AUH: variants seen among roughly 807,000 people sequenced by gnomAD.
AUH encodes AU RNA binding methylglutaconyl-CoA hydratase.
In AUH, 29 loss-of-function variants were observed where a neutral mutation model predicts 42.3. The ratio of observed to expected loss-of-function variants is 0.69; its 90% CI spans 0.51 to 0.93. The LOEUF (loss-of-function observed/expected upper bound fraction) is 0.93, where lower values mean the gene tolerates loss of function less well. Among genes scored for constraint, AUH ranks in the 40% least tolerant of loss-of-function variants. The pLI is 0.00. For synonymous variants in AUH, 174 were observed against 166.4 expected (o/e 1.05, Z -0.35); for missense variants, 452 against 438.1 (o/e 1.03, Z -0.28).
chr9:91,215,059 T>C (rs1327881054), intron 9 of AUH, among the ~76,000 whole-genome samples: 1 of 152,200 alleles, frequency 6.6e-6, no homozygotes, highest in East Asian at 1.9e-4. Context: ...GGTGGTGATT[T>C]ATATATACAA....
In AUH at chr9:91,284,333, A is replaced by T. The variant is rs927702975; in HGVS notation, c.655+11688T>A. ...TAATTCAAGACGGATTAAAGACTTA[A>T]ATGTTAGACCCAAAACCATAAAAAC... On this transcript the variant is annotated intron_variant, in intron 6 of 9. Transcript: ENST00000375731. Among the ~76,000 whole-genome samples the T allele has an allele frequency of 2.0e-5, 3 of 152,226 alleles. No individual in the cohort carries two copies. The South Asian group carries it at 6.2e-4, about 32-fold the overall frequency.
chr9:91,270,746 C>T (rs1267945335), intron 6 of AUH, among the ~76,000 whole-genome samples: 1 of 152,090 alleles, frequency 6.6e-6, no homozygotes, highest in Non-Finnish European at 1.5e-5. Context: ...AACAAGGTAG[C>T]AATGCACCCA....
Position 91,239,314 on chromosome 9 carries a change from C to A in AUH, c.656-18322G>T, listed in dbSNP as rs1456799424. The stretch of plus-strand genomic sequence containing the variant: ...TGATATGCTTAGAAGTGATCTCTGA[C>A]TTCTGATAGTAAATACCACTTTTGA... On this transcript the variant is annotated intron_variant, in intron 6 of 9. Transcript: ENST00000375731. 2.0e-5 allele frequency among the ~76,000 whole-genome samples: 3 copies of A among 152,318 alleles called. 1 individual carries two copies. In the South Asian group the frequency reaches 6.2e-4, roughly 32 times the overall value.
chr9:91,257,423 G>GAGCAGC (rs1173211553), intron 6 of AUH, among the ~76,000 whole-genome samples: 88 of 152,192 alleles, frequency 5.8e-4, no homozygotes, highest in African/African-American at 2.0e-3. Context: ...CAGAGAACAG[G>GAGCAGC]AGCAGCAGCA....
intron 3 of AUH, among the ~76,000 whole-genome samples, chr9:91,351,098 T>A (rs1338141255): frequency 1.3e-5 from 2 of 152,058 alleles, no homozygotes; most frequent in Admixed American, 6.6e-5. Flanking sequence ...GCCTCCTGAG[T>A]AGCTAGGACT....
chr9:91,220,275 A>C (rs1827057531), intron 7 of AUH, among the ~76,000 whole-genome samples: 1 of 152,244 alleles, frequency 6.6e-6, no homozygotes. Context: ...CAACGCCTAC[A>C]CCACCATAGG....
intron 8 of AUH, among the ~76,000 whole-genome samples, chr9:91,216,598 T>C (rs1826834443): frequency 6.6e-6 from 1 of 152,250 alleles, no homozygotes; most frequent in Admixed American, 6.5e-5. Context: ...CAGTATTGAC[T>C]GTATAAAGTC....
intron 3 of AUH, among the ~76,000 whole-genome samples, chr9:91,334,325 G>A (rs571265229): frequency 2.1e-4 from 32 of 152,250 alleles, no homozygotes; most frequent in South Asian, 6.2e-4. Flanking sequence ...TTGAATTCGT[G>A]AACTGCAAAG....
chr9:91,289,417 A>G (rs1294683133), intron 6 of AUH, among the ~76,000 whole-genome samples: 43 of 152,334 alleles, frequency 2.8e-4, no homozygotes, highest in Non-Finnish European at 2.6e-4. Context: ...TAAGGCAGCT[A>G]CAGTGGAGCA....
intron 4 of AUH, among the ~76,000 whole-genome samples, chr9:91,324,824 G>A (rs994771791): frequency 6.0e-5 from 9 of 151,002 alleles, no homozygotes; most frequent in African/African-American, 2.2e-4. Flanking sequence ...TTATGTACAA[G>A]GGTATTCACT....
intron 6 of AUH, among the ~76,000 whole-genome samples, chr9:91,224,028 G>GT (rs1277934648): frequency 6.6e-6 from 1 of 152,094 alleles, no homozygotes; most frequent in Non-Finnish European, 1.5e-5. Context: ...TAAACCCCTA[G>GT]TTTTAGTGGG....
At chr9:91,321,545 C>T (rs143576852) in intron 4 of AUH, among the ~76,000 whole-genome samples, 240 of 152,172 alleles carry the variant, frequency 1.6e-3, no homozygotes, top group Non-Finnish European at 2.3e-3. Flanking sequence ...AGGTATAAGC[C>T]AAGCATGCAT....
Position 91,361,915 on chromosome 9 carries a change from C to G in AUH, c.-26G>C. On this transcript the variant is annotated 5_prime_UTR_variant, in exon 1 of 10. Coordinates refer to ENST00000375731, the MANE Select transcript of AUH (RefSeq NM_001698.3). The stretch of plus-strand genomic sequence containing the variant: ...GTTGTCTGTTTACGGCGTGGACCTG[C>G]GACGGCCGCTCCGCCCCCGCCCGGC... The G allele has an allele frequency of 1.5e-6, 2 of 1,360,698 alleles. No individual in the cohort carries two copies. Among genetic ancestry groups the G allele is most frequent in the Admixed American group, 3.4e-5 (1 of 29,786 alleles). 84.3% of individuals were successfully genotyped at this position (1,360,698 alleles called of 1,614,324 possible).
chr9:91,326,556 A>G (rs1045229682), intron 3 of AUH, among the ~76,000 whole-genome samples: 1 of 152,224 alleles, frequency 6.6e-6, no homozygotes, highest in Non-Finnish European at 1.5e-5. Context: ...CCAATGAATA[A>G]TATTATTGAA....
At chr9:91,297,060 A>G (rs1159141663) in intron 5 of AUH, among the ~76,000 whole-genome samples, 1 of 152,226 alleles carries the variant, frequency 6.6e-6, no homozygotes, top group Non-Finnish European at 1.5e-5. Flanking sequence ...GCCCGAGGAC[A>G]CAGGCAGAGC....
intron 3 of AUH, among the ~76,000 whole-genome samples, chr9:91,334,309 T>A (rs1027631809): frequency 2.6e-5 from 4 of 152,206 alleles, no homozygotes; most frequent in Non-Finnish European, 5.9e-5. Flanking sequence ...TCTGGATGAC[T>A]AGCATTTGAA....
chr9:91,290,479 A>C (rs953309898), intron 6 of AUH, among the ~76,000 whole-genome samples: 3 of 152,238 alleles, frequency 2.0e-5, no homozygotes, highest in African/African-American at 7.2e-5. Flanking sequence ...GAATATGTCA[A>C]AGCATTCTGA....
At chr9:91,228,463 G>C (rs1827658296) in intron 6 of AUH, among the ~76,000 whole-genome samples, 1 of 147,366 alleles carries the variant, frequency 6.8e-6, no homozygotes, top group Admixed American at 6.8e-5. Context: ...TATTAGTCTT[G>C]CTAGCGGTCT....
intron 4 of AUH, among the ~76,000 whole-genome samples, chr9:91,309,089 GT>G: frequency 6.6e-6 from 1 of 151,392 alleles, no homozygotes; most frequent in Non-Finnish European, 1.5e-5. Context: ...ACGGCGCCTG[GT>G]CTTAACTTTT....
Sources: gnomAD v4.1 joint callset for allele counts (sites outside exome capture counted in the v4.1 genomes callset) on GRCh38, gnomAD v4.1.1 for gene constraint, MANE v1.5 for transcripts, NCBI Gene and HGNC (gene_info 2026-07-23, HGNC 2026-07-21) for gene names.